Variants in SMYD3 observed in about 807,000 individuals in gnomAD.
SMYD3 encodes histone-lysine N-methyltransferase SMYD3.
Under a neutral mutation model 57.7 loss-of-function variants are expected in SMYD3, and 36 were observed. The ratio of observed to expected loss-of-function variants is 0.62; its 90% CI spans 0.48 to 0.82. SMYD3 has a LOEUF of 0.82. Among genes scored for constraint, SMYD3 ranks in the 40% least tolerant of loss-of-function variants. The pLI is 0.00. For missense variants in SMYD3, 515 were observed against 538.8 expected, an observed-to-expected ratio of 0.96 and a Z score of 0.44; for synonymous variants, 211 against 195.0, an observed-to-expected ratio of 1.08 and a Z score of -0.68.
chr1:246,351,570 G>A (rs1363634554), intron 2 of SMYD3, among the ~76,000 whole-genome samples: 1 of 152,150 alleles, frequency 6.6e-6, no homozygotes, highest in Non-Finnish European at 1.5e-5. Context: ...AGAATATAAA[G>A]CCAGTGATGA....
intron 1 of SMYD3, among the ~76,000 whole-genome samples, chr1:246,401,047 G>A (rs1305664544): frequency 6.6e-6 from 1 of 152,114 alleles, no homozygotes; most frequent in African/African-American, 2.4e-5. Flanking sequence ...AGTATTCGAG[G>A]CAGCTGAACA....
chr1:246,379,771 G>A lies in SMYD3; in HGVS notation c.165-24677C>T, dbSNP rs529836257. Among the ~76,000 whole-genome samples the A allele has an allele frequency of 3.7e-4, 57 of 152,102 alleles. 1 individual carries two copies. Among genetic ancestry groups the A allele is most frequent in the Non-Finnish European group, 5.0e-4 (34 of 68,010 alleles). ...TCCCAGCACTTTGGGAGGCCAAGGC[G>A]GATGGATCACTTAAGGCCAGGTGTT... On this transcript the variant is annotated intron_variant, in intron 1 of 11. Coordinates refer to ENST00000490107, the MANE Select transcript of SMYD3 (RefSeq NM_001167740.2).
intron 10 of SMYD3, among the ~76,000 whole-genome samples, chr1:245,822,522 A>G (rs1427744437): frequency 2.0e-5 from 3 of 150,360 alleles, no homozygotes; most frequent in Admixed American, 2.0e-4. Flanking sequence ...CAATGTGCAC[A>G]TGTACCCTAA....
intron 5 of SMYD3, among the ~76,000 whole-genome samples, chr1:246,154,032 A>G (rs1163473221): frequency 6.6e-6 from 1 of 152,202 alleles, no homozygotes; most frequent in Non-Finnish European, 1.5e-5. Flanking sequence ...ACTGCCCCAT[A>G]CATGAGTCAC....
chr1:245,804,132 T>C (rs977809792), intron 10 of SMYD3, among the ~76,000 whole-genome samples: 3 of 151,982 alleles, frequency 2.0e-5, no homozygotes, highest in Non-Finnish European at 4.4e-5. Flanking sequence ...AGGCTGGTCT[T>C]GAACTCCTGT....
chr1:246,195,170 G>A (rs554371984), intron 5 of SMYD3, among the ~76,000 whole-genome samples: 33 of 152,230 alleles, frequency 2.2e-4, no homozygotes, highest in South Asian at 4.2e-4. Flanking sequence ...TGGGATCCCC[G>A]GGGCAGTGAC....
intron 10 of SMYD3, among the ~76,000 whole-genome samples, chr1:245,808,473 C>T (rs180731083): frequency 5.3e-4 from 80 of 152,320 alleles, no homozygotes; most frequent in African/African-American, 1.9e-3. Context: ...AGGAAATAAG[C>T]GTAGCCTCCA....
chr1:246,450,069 C>A (rs1194929237), intron 1 of SMYD3, among the ~76,000 whole-genome samples: 1 of 152,154 alleles, frequency 6.6e-6, no homozygotes, highest in Non-Finnish European at 1.5e-5. Context: ...GGGCAGATCA[C>A]CTGAGGTCGG....
intron 5 of SMYD3, among the ~76,000 whole-genome samples, chr1:246,155,033 G>A (rs187170050): frequency 1.3e-5 from 2 of 151,930 alleles, no homozygotes; most frequent in Admixed American, 6.6e-5. Flanking sequence ...TGCCCGCCTC[G>A]GCCTCCCAAA....
intron 5 of SMYD3, among the ~76,000 whole-genome samples, chr1:246,324,644 C>A (rs1489060523): frequency 6.6e-6 from 1 of 151,744 alleles, no homozygotes; most frequent in Non-Finnish European, 1.5e-5. Context: ...CATGTTGACC[C>A]GCTTTCCACA....
At chr1:245,921,860 G>C (rs1186534542) in intron 7 of SMYD3, among the ~76,000 whole-genome samples, 2 of 152,040 alleles carry the variant, frequency 1.3e-5, no homozygotes, top group African/African-American at 4.8e-5. Flanking sequence ...GTAGGGCAAG[G>C]GGTGAAAAAC....
Position 246,327,341 on chromosome 1 carries a change from T to C in SMYD3, c.395-4A>G, listed in dbSNP as rs2065373227. The C allele has an allele frequency of 1.2e-6, 2 of 1,606,156 alleles. No homozygotes were observed. The highest frequency in any genetic ancestry group is 1.7e-6 in the Non-Finnish European group (2 of 1,177,290). On this transcript the variant is annotated splice_region_variant and splice_polypyrimidine_tract_variant and intron_variant, in intron 4 of 11. Coordinates refer to ENST00000490107, the MANE Select transcript of SMYD3 (RefSeq NM_001167740.2). ...TCTTCAGTCAGTTTGTTAATATCTTTTTTAAAGAGAAAATAAATAGCACAA... is the reference window on the plus strand; with the variant it reads ...TCTTCAGTCAGTTTGTTAATATCTTCTTTAAAGAGAAAATAAATAGCACAA...
intron 5 of SMYD3, among the ~76,000 whole-genome samples, chr1:246,018,684 C>T (rs2059418668): frequency 6.7e-6 from 1 of 149,944 alleles, no homozygotes; most frequent in African/African-American, 2.5e-5. Context: ...CAGCTCACTG[C>T]AGCTTCAAAT....
At chr1:246,336,201 T>C (rs1398152327) in intron 2 of SMYD3, among the ~76,000 whole-genome samples, 1 of 152,168 alleles carries the variant, frequency 6.6e-6, no homozygotes, top group Non-Finnish European at 1.5e-5. Flanking sequence ...TACAGATGAA[T>C]GGACTAAAGG....
intron 5 of SMYD3, among the ~76,000 whole-genome samples, chr1:246,120,032 C>T (rs557342100): frequency 6.6e-6 from 1 of 152,248 alleles, no homozygotes; most frequent in African/African-American, 2.4e-5. Flanking sequence ...TTAGGTCTGA[C>T]GAAGACCAGA....
chr1:245,800,970 G>T (rs1029371966), intron 10 of SMYD3, among the ~76,000 whole-genome samples: 6 of 152,144 alleles, frequency 3.9e-5, no homozygotes, highest in Non-Finnish European at 8.8e-5. Flanking sequence ...CAGAATGTGG[G>T]GTGTAGTAAT....
At chr1:245,942,027 C>A (rs913913891) in intron 5 of SMYD3, among the ~76,000 whole-genome samples, 4 of 152,180 alleles carry the variant, frequency 2.6e-5, no homozygotes, top group Non-Finnish European at 5.9e-5. Flanking sequence ...CAGAAACACA[C>A]TGAAGTACAC....
chr1:245,907,182 C>T (rs980741842), intron 8 of SMYD3, among the ~76,000 whole-genome samples: 3 of 152,042 alleles, frequency 2.0e-5, no homozygotes, highest in African/African-American at 7.2e-5. Flanking sequence ...TCAATGATTA[C>T]CTAGTTGTAT....
chr1:245,977,306 T>C (rs2058470141), intron 5 of SMYD3, among the ~76,000 whole-genome samples: 1 of 152,154 alleles, frequency 6.6e-6, no homozygotes, highest in Non-Finnish European at 1.5e-5. Flanking sequence ...ACAACAGCCA[T>C]CCCCACTCTT....
Sources: allele counts gnomAD v4.1 joint callset (sites outside exome capture counted in the v4.1 genomes callset), GRCh38; gene constraint gnomAD v4.1.1; transcripts MANE v1.5; gene names NCBI Gene and HGNC (gene_info 2026-07-23, HGNC 2026-07-21).